The following ZNF423 variants were observed in gnomAD, a reference collection of about 807,000 sequenced individuals.
ZNF423 encodes the protein zinc finger protein 423.
A neutral mutation model predicts 95.8 loss-of-function variants in ZNF423; 12 were observed. The ratio of observed to expected loss-of-function variants is 0.13; its 90% CI spans 0.08 to 0.20. ZNF423 has a LOEUF of 0.20. ZNF423 is among the 10% of genes least tolerant of loss of function. The pLI, the probability that ZNF423 is intolerant of heterozygous loss-of-function variation, is 1.00. For synonymous variants in ZNF423, 749 were observed against 711.9 expected, an observed-to-expected ratio of 1.05 and a Z score of -0.83; for missense variants, 1,316 against 1,737.1, an observed-to-expected ratio of 0.76 and a Z score of 4.31.
chr16:49,750,309 T>C (rs2033610269), intron 2 of ZNF423, among the ~76,000 whole-genome samples: 1 of 152,218 alleles, frequency 6.6e-6, no homozygotes, highest in African/African-American at 2.4e-5. Flanking sequence ...CATTTAAATA[T>C]GGGGCTTCAA....
intron 5 of ZNF423, among the ~76,000 whole-genome samples, chr16:49,562,080 G>A (rs935003706): frequency 6.6e-6 from 1 of 152,226 alleles, no homozygotes; most frequent in African/African-American, 2.4e-5. Context: ...GCTGTGAGAA[G>A]CTGTAGACAT....
chr16:49,628,872 G>A (rs1475219473), intron 4 of ZNF423, among the ~76,000 whole-genome samples: 2 of 152,218 alleles, frequency 1.3e-5, no homozygotes, highest in African/African-American at 4.8e-5. Flanking sequence ...AGATGGTTCT[G>A]AAACACCCCA....
chr16:49,722,300 G>A (rs1435280038), intron 3 of ZNF423, among the ~76,000 whole-genome samples: 2 of 152,198 alleles, frequency 1.3e-5, no homozygotes, highest in East Asian at 1.9e-4. Context: ...GTGGAAGCCT[G>A]CTAGCAGGTC....
chr16:49,544,240 G>A (rs952331217), intron 5 of ZNF423, among the ~76,000 whole-genome samples: 11 of 152,234 alleles, frequency 7.2e-5, no homozygotes, highest in African/African-American at 2.4e-4. Flanking sequence ...GCCTTTGAGG[G>A]AGGCAATAGC....
intron 5 of ZNF423, among the ~76,000 whole-genome samples, chr16:49,624,779 A>G (rs1036027622): frequency 6.6e-6 from 1 of 152,198 alleles, no homozygotes; most frequent in Admixed American, 6.5e-5. Flanking sequence ...CATTTCCATA[A>G]ACTAGAAATC....
Position 49,635,531 on chromosome 16 carries a change from G to T in ZNF423, c.3516+129C>A. ...AACTCAAGGAGTCTACAGCACAGCAGTTCTGTTTTGCCACTGCGCGATAGC... is the reference window on the plus strand; with the variant it reads ...AACTCAAGGAGTCTACAGCACAGCATTTCTGTTTTGCCACTGCGCGATAGC... On this transcript the variant is annotated intron_variant, in intron 4 of 7. Coordinates refer to ENST00000563137, the MANE Select transcript of ZNF423 (RefSeq NM_001379286.1). The surrounding 1 kb of genome is among the most constrained non-coding windows in gnomAD (Gnocchi z 4.8). 1 of 1,238,204 alleles carries T rather than the reference G, an allele frequency of 8.1e-7. No individual in the cohort carries two copies. The highest frequency in any genetic ancestry group is 1.1e-6 in the Non-Finnish European group (1 of 921,888). 76.7% of individuals were successfully genotyped at this position (1,238,204 alleles called of 1,614,324 possible). A position where few individuals can be genotyped will look rare whatever the true frequency, so the allele number is the denominator to read the frequency against.
chr16:49,710,498 C>T (rs749791855), intron 3 of ZNF423, among the ~76,000 whole-genome samples: 2 of 152,194 alleles, frequency 1.3e-5, no homozygotes, highest in Non-Finnish European at 1.5e-5. Context: ...ACTTCAGGGC[C>T]GACTCTGGCA....
At chr16:49,567,842 G>A (rs1970239728) in intron 5 of ZNF423, among the ~76,000 whole-genome samples, 1 of 152,170 alleles carries the variant, frequency 6.6e-6, no homozygotes, top group South Asian at 2.1e-4. Flanking sequence ...ACTTGACAGG[G>A]TGGACCCAGC....
In ZNF423 at chr16:49,638,291, C is replaced by T. The variant is rs145834726; in HGVS notation, c.885G>A (p.Pro295=). Residue 295 remains proline, a synonymous_variant, in exon 4 of 8, where the codon CCG becomes CCA. Coordinates refer to ENST00000563137, the MANE Select transcript of ZNF423 (RefSeq NM_001379286.1). The surrounding 1 kb of genome is among the most constrained non-coding windows in gnomAD (Gnocchi z 5.6). ...ELEKHVLTRH[P]QLSEKADLQC... The stretch of plus-strand genomic sequence containing the variant: ...GCAGGTCCGCCTTCTCGGACAGCTG[C>T]GGGTGGCGGGTGAGCACGTGCTTCT... The T allele has an allele frequency of 1.1e-5, 17 of 1,613,546 alleles. No individual in the cohort carries two copies. Among genetic ancestry groups the T allele is most frequent in the Middle Eastern group, 1.6e-4 (1 of 6,084 alleles).
intron 3 of ZNF423, among the ~76,000 whole-genome samples, chr16:49,671,686 TTTA>T (rs1218818832): frequency 6.6e-6 from 1 of 152,158 alleles, no homozygotes; most frequent in African/African-American, 2.4e-5. Context: ...TTATTTTTTA[TTTA>T]TTATTTTTTT....
intron 1 of ZNF423, among the ~76,000 whole-genome samples, chr16:49,821,286 G>A (rs1228362535): frequency 6.6e-6 from 1 of 152,140 alleles, no homozygotes; most frequent in Non-Finnish European, 1.5e-5. Flanking sequence ...GGGCGATGGG[G>A]AGCCAGACCA....
chr16:49,502,248 G>C, intron 7 of ZNF423, among the ~76,000 whole-genome samples: 1 of 152,170 alleles, frequency 6.6e-6, no homozygotes, highest in East Asian at 1.9e-4. Context: ...AACATTAGTT[G>C]AATCCTCAGC....
At chr16:49,701,985 C>T (rs1174245803) in intron 3 of ZNF423, among the ~76,000 whole-genome samples, 3 of 152,170 alleles carry the variant, frequency 2.0e-5, no homozygotes, top group African/African-American at 7.2e-5. Context: ...GGACTTCCAA[C>T]AATATAACCC....
intron 3 of ZNF423, among the ~76,000 whole-genome samples, chr16:49,687,404 A>C (rs971951603): frequency 2.0e-5 from 3 of 152,154 alleles, no homozygotes; most frequent in Admixed American, 2.0e-4. Flanking sequence ...CAGGGCAGGC[A>C]ACCGCCTCTC....
intron 5 of ZNF423, among the ~76,000 whole-genome samples, chr16:49,547,085 A>C (rs1476144251): frequency 2.0e-5 from 3 of 152,110 alleles, no homozygotes; most frequent in Admixed American, 6.5e-5. Context: ...ACTTTAGAGA[A>C]ATCAACAAAG....
chr16:49,823,657 A>AT, intron 1 of ZNF423, among the ~76,000 whole-genome samples: 1 of 152,326 alleles, frequency 6.6e-6, no homozygotes, highest in East Asian at 1.9e-4. Flanking sequence ...GGAAAAAAAA[A>AT]GGAGAAGAAG....
Position 49,636,343 on chromosome 16 carries a change from G to A in ZNF423, c.2833C>T (p.Arg945Trp). The A allele has an allele frequency of 6.2e-7, 1 of 1,612,740 alleles. No homozygotes were observed. The highest frequency in any genetic ancestry group is 8.5e-7 in the Non-Finnish European group (1 of 1,180,012). The part of the protein sequence containing the change: ...KGSHKCNVCS[R>W]TFFSENGLRE... ...AGCCCGTTCTCCGAGAAGAAAGTCC[G>A]TGAACAAACGTTGCACTTGTGACTG... The change falls in exon 4 of 8, where the codon CGG becomes TGG. Residue 945 changes from arginine (R) to tryptophan (W), a missense_variant. Physicochemically the swap from Arg to Trp is moderately radical, Grantham distance 101. Coordinates refer to ENST00000563137, the MANE Select transcript of ZNF423 (RefSeq NM_001379286.1). The surrounding 1 kb of genome is among the most constrained non-coding windows in gnomAD (Gnocchi z 8.6).
chr16:49,548,953 A>T (rs1969536254), intron 5 of ZNF423, among the ~76,000 whole-genome samples: 1 of 152,104 alleles, frequency 6.6e-6, no homozygotes. Flanking sequence ...CTTCCTCTAC[A>T]ACTTCATTTC....
chr16:49,858,481 G>A (rs1194777497), upstream of ZNF423, among the ~76,000 whole-genome samples: 4 of 152,018 alleles, frequency 2.6e-5, no homozygotes, highest in African/African-American at 9.7e-5. This position sits in a 1 kb window ranked among gnomAD's most constrained non-coding sequence, Gnocchi z 4.3. Context: ...GGCAGTCTCA[G>A]AGGTAGAGTC....
Sources: allele counts gnomAD v4.1 joint callset (sites outside exome capture counted in the v4.1 genomes callset), GRCh38; gene constraint gnomAD v4.1.1; non-coding constraint Gnocchi (gnomAD v3.1); transcripts MANE v1.5; gene names NCBI Gene and HGNC (gene_info 2026-07-23, HGNC 2026-07-21).